Variants in CPS1 observed in about 807,000 individuals in gnomAD.
The protein encoded by CPS1 is carbamoyl-phosphate synthase [ammonia], mitochondrial.
CPS1 carries 109 observed loss-of-function variants against 174.6 expected under a neutral mutation model. The observed-to-expected ratio is 0.62, with a 90% confidence interval of 0.53 to 0.73. CPS1 has a LOEUF of 0.73. Among genes scored for constraint, CPS1 ranks in the 30% least tolerant of loss-of-function variants. CPS1 has a pLI of 0.00. For synonymous variants in CPS1, 637 were observed against 632.0 expected (o/e 1.01, Z -0.12); for missense variants, 1,689 against 1,821.9 (o/e 0.93, Z 1.33).
At chr2:210,527,695 A>C (rs1288103503) in intron 1 of CPS1, among the ~76,000 whole-genome samples, 1 of 151,854 alleles carries the variant, frequency 6.6e-6, no homozygotes, top group Non-Finnish European at 1.5e-5. Context: ...GTTATTGTCC[A>C]TCTTATGGAC....
intron 34 of CPS1, chr2:210,674,471 CAA>C (rs66758310): frequency 2.5e-5 from 2 of 78,886 alleles, no homozygotes; most frequent in Non-Finnish European, 5.3e-5. Context: ...AACCCCATCT[CAA>C]AAAAAAAAAC....
intron 1 of CPS1, among the ~76,000 whole-genome samples, chr2:210,544,688 C>A (rs1696516830): frequency 6.6e-6 from 1 of 151,964 alleles, no homozygotes; most frequent in African/African-American, 2.4e-5. Flanking sequence ...CAATCTTTTT[C>A]TTCAGGCTGA....
intron 1 of CPS1, among the ~76,000 whole-genome samples, chr2:210,489,604 A>C (rs1214069959): frequency 6.6e-6 from 1 of 152,196 alleles, no homozygotes; most frequent in Admixed American, 6.5e-5. Flanking sequence ...CAAGTAAATA[A>C]ATACTATTTA....
chr2:210,669,900 C>T (rs946864597), intron 34 of CPS1, among the ~76,000 whole-genome samples: 11 of 152,030 alleles, frequency 7.2e-5, no homozygotes, highest in Non-Finnish European at 1.5e-4. Flanking sequence ...TTTAAAATGC[C>T]ACTTTAAGAA....
chr2:210,626,019 C>T (rs2105880609), intron 21 of CPS1, among the ~76,000 whole-genome samples: 1 of 152,192 alleles, frequency 6.6e-6, no homozygotes, highest in African/African-American at 2.4e-5. Context: ...TGCATATATC[C>T]TAATATCATC....
intron 1 of CPS1, among the ~76,000 whole-genome samples, chr2:210,567,709 C>T (rs1220867522): frequency 1.3e-5 from 2 of 152,100 alleles, no homozygotes; most frequent in African/African-American, 2.4e-5. Flanking sequence ...GAAGGCATTA[C>T]TTATATGACA....
chr2:210,590,930 A>T (rs758410860), intron 9 of CPS1, 24 bp downstream of exon 9: 8 of 1,577,684 alleles, frequency 5.1e-6, no homozygotes, highest in Non-Finnish European at 7.0e-6. Flanking sequence ...ACTTTTGCTT[A>T]CAGTAAACCA....
At chr2:210,536,320 CT>C (rs1440042501) in intron 1 of CPS1, among the ~76,000 whole-genome samples, 150 of 125,168 alleles carry the variant, frequency 1.2e-3, no homozygotes, top group South Asian at 4.5e-3. Context: ...TGTTTAGGTA[CT>C]TTTTTTTTTT....
chr2:210,496,338 T>C (rs1187907647), intron 1 of CPS1, among the ~76,000 whole-genome samples: 1 of 152,224 alleles, frequency 6.6e-6, no homozygotes, highest in Non-Finnish European at 1.5e-5. Context: ...TCTCAGATGG[T>C]GGTTGATAAC....
intron 1 of CPS1, among the ~76,000 whole-genome samples, chr2:210,489,937 G>A (rs554877770): frequency 6.8e-6 from 1 of 146,026 alleles, no homozygotes; most frequent in South Asian, 2.2e-4. Flanking sequence ...GGCGGAGCTT[G>A]CAGTGAGCCG....
At chr2:210,656,431 C>A in intron 29 of CPS1, 94 bp from the exon 30 acceptor site, 1 of 836,814 alleles carries the variant, frequency 1.2e-6, no homozygotes, top group Non-Finnish European at 2.1e-6. Flanking sequence ...CTCAGTGCAT[C>A]TGTTAGGACC....
chr2:210,649,551 T>C (rs1266532126), intron 27 of CPS1, among the ~76,000 whole-genome samples: 4 of 152,194 alleles, frequency 2.6e-5, no homozygotes, highest in Non-Finnish European at 5.9e-5. Context: ...CTTTCTATAA[T>C]GTATACATAG....
chr2:210,513,050 A>T (rs1271206479), intron 1 of CPS1, among the ~76,000 whole-genome samples: 1 of 32,692 alleles, frequency 3.1e-5, no homozygotes, highest in Non-Finnish European at 1.1e-4. Flanking sequence ...ATGGAGATAT[A>T]TATATATGGA....
Position 210,634,113 on chromosome 2 carries a change from C to G in CPS1, c.2688-3589C>G, listed in dbSNP as rs569084113. On this transcript the variant is annotated intron_variant, in intron 21 of 37. Coordinates refer to ENST00000233072, the MANE Select transcript of CPS1 (RefSeq NM_001875.5). Reference sequence around the variant, plus strand: ...GCAAGGAAAGTGGAAACATACCTTTCTAAAACAAATAACAACAATAACAAA... The same window carrying G: ...GCAAGGAAAGTGGAAACATACCTTTGTAAAACAAATAACAACAATAACAAA... Among the ~76,000 whole-genome samples the G allele has an allele frequency of 1.2e-4, 18 of 152,216 alleles. No individual in the cohort carries two copies. The South Asian group carries it at 3.7e-3, about 32-fold the overall frequency.
chr2:210,528,029 A>G (rs1696020529), intron 1 of CPS1, among the ~76,000 whole-genome samples: 1 of 151,946 alleles, frequency 6.6e-6, no homozygotes, highest in South Asian at 2.1e-4. Context: ...GTTCGCAGTA[A>G]CCGAATATAT....
At chr2:210,554,294 G>A (rs577460532), upstream of CPS1, among the ~76,000 whole-genome samples, 3 of 144,404 alleles carry the variant, frequency 2.1e-5, no homozygotes, top group East Asian at 4.1e-4. Context: ...CACACACACC[G>A]TAGTTTGCAA....
intron 29 of CPS1, among the ~76,000 whole-genome samples, chr2:210,654,336 TATC>T (rs1700645266): frequency 6.6e-6 from 1 of 152,232 alleles, no homozygotes; most frequent in South Asian, 2.1e-4. Flanking sequence ...CAAAAGTAAT[TATC>T]ATCCTGTACT....
chr2:210,650,551 G>A, intron 28 of CPS1, 113 bp downstream of exon 28: 1 of 841,880 alleles, frequency 1.2e-6, no homozygotes, highest in South Asian at 1.4e-5. Flanking sequence ...TACTTTGTAT[G>A]TTTTCTTTTC....
intron 1 of CPS1, among the ~76,000 whole-genome samples, chr2:210,536,717 C>T (rs934260825): frequency 1.3e-5 from 2 of 152,024 alleles, no homozygotes; most frequent in Non-Finnish European, 2.9e-5. Flanking sequence ...CTACAAATAC[C>T]AACTGTGGAT....
Sources: allele counts gnomAD v4.1 joint callset (sites outside exome capture counted in the v4.1 genomes callset), GRCh38; gene constraint gnomAD v4.1.1; transcripts MANE v1.5; gene names NCBI Gene and HGNC (gene_info 2026-07-23, HGNC 2026-07-21).